Variants in RCAN2 observed in about 807,000 individuals in gnomAD.
RCAN2 encodes regulator of calcineurin 2.
Under a neutral mutation model 23.6 loss-of-function variants are expected in RCAN2, and 9 were observed. That is an observed-to-expected ratio of 0.38 (90% CI 0.23 to 0.67). RCAN2 has a LOEUF of 0.67. Among genes scored for constraint, RCAN2 ranks in the 30% least tolerant of loss-of-function variants. The pLI is 0.51. For missense variants in RCAN2, 273 were observed against 302.3 expected, an observed-to-expected ratio of 0.90 and a Z score of 0.72; for synonymous variants, 109 against 115.7, an observed-to-expected ratio of 0.94 and a Z score of 0.37.
At chr6:46,312,185 A>G (rs1763285821) in intron 2 of RCAN2, among the ~76,000 whole-genome samples, 1 of 152,200 alleles carries the variant, frequency 6.6e-6, no homozygotes, top group African/African-American at 2.4e-5. Context: ...TATGATGGCA[A>G]CAGTTAAGTA....
rs1016368301 is a variant in RCAN2, at chr6:46,242,375, G to A, written c.571+4373C>T. Among the ~76,000 whole-genome samples the A allele has an allele frequency of 8.5e-5, 13 of 152,314 alleles. No individual in the cohort carries two copies. In the South Asian group the frequency reaches 1.2e-3, roughly 15 times the overall value. Reference sequence around the variant, plus strand: ...CTCCATGAAAGGGTCCTAATAAACTGTGTCATTGCCTCTGGGGGCAGCCAG... The same window carrying A: ...CTCCATGAAAGGGTCCTAATAAACTATGTCATTGCCTCTGGGGGCAGCCAG... On this transcript the variant is annotated intron_variant, in intron 4 of 4. Transcript: ENST00000371374.
intron 4 of RCAN2, among the ~76,000 whole-genome samples, chr6:46,234,722 C>G (rs997836014): frequency 6.6e-6 from 1 of 152,234 alleles, no homozygotes; most frequent in Non-Finnish European, 1.5e-5. Context: ...AATGAAAAAC[C>G]TTTTAGCACA....
intron 2 of RCAN2, among the ~76,000 whole-genome samples, chr6:46,279,857 A>C (rs1736539868): frequency 6.6e-6 from 1 of 152,228 alleles, no homozygotes; most frequent in African/African-American, 2.4e-5. Flanking sequence ...GATAATGCAC[A>C]AGATGTGTCT....
chr6:46,230,025 G>A (rs1043875250), intron 4 of RCAN2, among the ~76,000 whole-genome samples: 1 of 152,198 alleles, frequency 6.6e-6, no homozygotes, highest in Admixed American at 6.5e-5. Context: ...AGGTCTGTTG[G>A]AGTTTGCTGG....
At chr6:46,288,889 A>T (rs1762453390) in intron 2 of RCAN2, among the ~76,000 whole-genome samples, 1 of 152,266 alleles carries the variant, frequency 6.6e-6, no homozygotes, top group Non-Finnish European at 1.5e-5. Flanking sequence ...AACACCCAAC[A>T]GGGAGCAAAC....
At position 46,300,784 on chromosome 6, in the gene RCAN2, T is replaced by C. The variant is rs551596682; in HGVS notation, c.226-51888A>G. 6.6e-5 allele frequency among the ~76,000 whole-genome samples: 10 copies of C among 152,136 alleles called. No homozygotes were observed. In the South Asian group the frequency reaches 1.9e-3, roughly 28 times the overall value. On this transcript the variant is annotated intron_variant, in intron 2 of 4. Coordinates refer to ENST00000371374, the MANE Select transcript of RCAN2 (RefSeq NM_001251974.2). ...CAATGATTAGGCACATTCTTTGCTA[T>C]TAAATGATCACATTCTAAAGATTTC... is the stretch of plus-strand genomic sequence containing the variant.
intron 2 of RCAN2, among the ~76,000 whole-genome samples, chr6:46,407,190 T>TA (rs1211173642): frequency 6.6e-6 from 1 of 152,170 alleles, no homozygotes; most frequent in African/African-American, 2.4e-5. Flanking sequence ...CCACAGGAGA[T>TA]AAAAATCAGC....
intron 1 of RCAN2, among the ~76,000 whole-genome samples, chr6:46,472,358 G>T (rs2150442145): frequency 6.6e-6 from 1 of 152,274 alleles, no homozygotes; most frequent in Admixed American, 6.5e-5. Flanking sequence ...GATGTATTGG[G>T]ACTTCCTTTT....
chr6:46,313,232 T>C (rs1396011370), intron 2 of RCAN2, among the ~76,000 whole-genome samples: 3 of 152,176 alleles, frequency 2.0e-5, no homozygotes, highest in South Asian at 4.1e-4. Flanking sequence ...GCTTCCATAG[T>C]GTACTGGGCT....
rs190645666 is a variant in RCAN2 at position 46,407,884 on chromosome 6, G to A, written c.225+48868C>T. On this transcript the variant is annotated intron_variant, in intron 2 of 4. Transcript: ENST00000371374. ...AAGAAAAAGATTGATGGAGTGCTAC[G>A]TAAAAATTAAAAACTTGGCATGCCC... is the stretch of plus-strand genomic sequence containing the variant. Among the ~76,000 whole-genome samples the A allele has an allele frequency of 3.7e-4, 57 of 152,258 alleles. 1 individual carries two copies. The highest frequency in any genetic ancestry group is 6.3e-4 in the Non-Finnish European group (43 of 68,018).
chr6:46,304,782 G>A (rs1430390191), intron 2 of RCAN2, among the ~76,000 whole-genome samples: 4 of 152,036 alleles, frequency 2.6e-5, no homozygotes, highest in Non-Finnish European at 1.5e-5. Context: ...CAAAATAACA[G>A]TTAACAACCA....
At chr6:46,363,567 A>G (rs182495582) in intron 2 of RCAN2, among the ~76,000 whole-genome samples, 1 of 152,156 alleles carries the variant, frequency 6.6e-6, no homozygotes, top group Non-Finnish European at 1.5e-5. Flanking sequence ...GATGAGCATG[A>G]CTTATAATTT....
chr6:46,441,205 A>G (rs1767532327), intron 2 of RCAN2, among the ~76,000 whole-genome samples: 1 of 152,222 alleles, frequency 6.6e-6, no homozygotes, highest in East Asian at 1.9e-4. Flanking sequence ...ATTTAATCAC[A>G]TAAGAAGCCA....
chr6:46,248,654 A>G (rs1766603758), intron 3 of RCAN2, 69 bp downstream of exon 3: 2 of 1,278,464 alleles, frequency 1.6e-6, no homozygotes, highest in Non-Finnish European at 2.1e-6. Context: ...AAAGGGCTTC[A>G]TTTACATTTT....
rs778006458 is a variant in RCAN2 at position 46,246,829 on chromosome 6, G to A, written c.490C>T (p.Pro164Ser). The A allele has an allele frequency of 3.7e-6, 6 of 1,613,496 alleles. No homozygotes were observed. In the Middle Eastern group the frequency reaches 5.1e-4, roughly 136 times the overall value. Residue 164 changes from proline to serine, a missense_variant, in exon 4 of 5, where the codon CCT (proline) becomes TCT (serine). Transcript: ENST00000371374. ...TCGTTGATGGGCTGCCAGCCAACAG[G>A]TGGGGAGGAAGGGGGCGAGATGAGA... ...QFLISPPSSP[P>S]VGWQPINDAT...
chr6:46,301,225 C>A (rs1159259745), intron 2 of RCAN2, among the ~76,000 whole-genome samples: 1 of 151,950 alleles, frequency 6.6e-6, no homozygotes, highest in Non-Finnish European at 1.5e-5. Context: ...AACATAAAAC[C>A]CAACAGGATT....
chr6:46,335,656 A>G (rs1326547598), intron 2 of RCAN2, among the ~76,000 whole-genome samples: 2 of 152,180 alleles, frequency 1.3e-5, no homozygotes, highest in South Asian at 4.1e-4. Context: ...GGATTTCTAC[A>G]AAGACAACCT....
chr6:46,430,810 C>G (rs971216940), intron 2 of RCAN2, among the ~76,000 whole-genome samples: 1 of 152,120 alleles, frequency 6.6e-6, no homozygotes, highest in Admixed American at 6.5e-5. Flanking sequence ...TAGGAAACAA[C>G]AGACAGGCAA....
At chr6:46,396,829 T>C (rs1030128799) in intron 2 of RCAN2, among the ~76,000 whole-genome samples, 1 of 152,184 alleles carries the variant, frequency 6.6e-6, no homozygotes, top group Non-Finnish European at 1.5e-5. Flanking sequence ...ATAGTAATCT[T>C]GGCTGGGTGC....
Sources: allele counts gnomAD v4.1 joint callset (sites outside exome capture counted in the v4.1 genomes callset), GRCh38; gene constraint gnomAD v4.1.1; transcripts MANE v1.5; gene names NCBI Gene and HGNC (gene_info 2026-07-23, HGNC 2026-07-21).